PWWP3A: variants seen among roughly 807,000 people sequenced by gnomAD.
The protein encoded by PWWP3A is PWWP domain-containing DNA repair factor 3A.
PWWP3A carries 53 observed loss-of-function variants against 79.0 expected under a neutral mutation model. That is an observed-to-expected ratio of 0.67 (90% CI 0.54 to 0.84). PWWP3A has a LOEUF of 0.84. Ranked by LOEUF, PWWP3A falls within the 40% of genes least tolerant of loss-of-function variation. The pLI, the probability that PWWP3A is intolerant of heterozygous loss-of-function variation, is 0.00. For missense variants in PWWP3A, 973 were observed against 948.0 expected, an observed-to-expected ratio of 1.03 and a Z score of -0.35; for synonymous variants, 443 against 394.4, an observed-to-expected ratio of 1.12 and a Z score of -1.46.
At chr19:1,363,074 G>T (rs370809524) in intron 6 of PWWP3A, among the ~76,000 whole-genome samples, 4 of 152,226 alleles carry the variant, frequency 2.6e-5, no homozygotes, top group African/African-American at 7.2e-5. Flanking sequence ...AGGGAGGTGA[G>T]GGGGCTTCTC....
At chr19:1,372,341 C>T (rs1157942379) in intron 12 of PWWP3A, 1 of 152,300 alleles carries the variant, frequency 6.6e-6, no homozygotes, top group African/African-American at 2.4e-5. Flanking sequence ...GGGAGAGACT[C>T]TGCTCTGAAC....
intron 13 of PWWP3A, among the ~76,000 whole-genome samples, chr19:1,375,189 T>C (rs949085867): frequency 1.3e-4 from 20 of 150,182 alleles, no homozygotes; most frequent in African/African-American, 4.9e-4. Flanking sequence ...TGCTACTGCA[T>C]TCCAGCCTGG....
chr19:1,361,009 C>G lies in PWWP3A; in HGVS notation c.1088C>G (p.Pro363Arg). The change falls in exon 5 of 14, where the codon CCG (proline) becomes CGG (arginine). Residue 363 changes from proline (P) to arginine (R), a missense_variant. Pro to Arg is a moderately radical substitution (Grantham distance 103). Coordinates refer to ENST00000591337, the MANE Select transcript of PWWP3A (RefSeq NM_001369789.1). ...SADATRCLPC[P>R]DSQKLEKECQ... Reference sequence around the variant, plus strand: ...GATGCAACCAGATGTCTTCCTTGCCCGGATTCCCAGAAGCTGGAGAAAGGT... The same window carrying G: ...GATGCAACCAGATGTCTTCCTTGCCGGGATTCCCAGAAGCTGGAGAAAGGT... 1 of 1,430,852 alleles carries G rather than the reference C, an allele frequency of 7.0e-7. No homozygotes were observed. The highest frequency in any genetic ancestry group is 9.2e-7 in the Non-Finnish European group (1 of 1,090,080). The allele number at this position is 1,430,852 out of a possible 1,614,324, so 88.6% of individuals were successfully genotyped here.
rs2082399282 is a variant in PWWP3A at position 1,376,316 on chromosome 19, T to TG, written c.2076-203_2076-202insG. Among the ~76,000 whole-genome samples the TG allele has an allele frequency of 2.2e-5, 3 of 134,582 alleles. 1 individual carries two copies. Among genetic ancestry groups the TG allele is most frequent in the Non-Finnish European group, 3.2e-5 (2 of 61,818 alleles). The allele number at this position is 134,582 out of a possible 152,430, so 88.3% of individuals were successfully genotyped here. On this transcript the variant is annotated intron_variant, in intron 13 of 13. Transcript: ENST00000591337. Reference sequence around the variant, plus strand: ...GTTTGTTTTTTTTTTTGTTTGTTTTTTTTTTTTTTTGGTATTTTTTGTAGA... The same window carrying TG: ...GTTTGTTTTTTTTTTTGTTTGTTTTTGTTTTTTTTTTGGTATTTTTTGTAGA...
rs1331607288 is a variant in PWWP3A, at chr19:1,363,807, T to C, written c.1214-702T>C. On this transcript the variant is annotated intron_variant, in intron 6 of 13. Coordinates refer to ENST00000591337, the MANE Select transcript of PWWP3A (RefSeq NM_001369789.1). ...TCACCCCAGTGGGCCTCCCTTTTTC[T>C]CTGGTCACGTTGGTTACTTCATAGG... Among the ~76,000 whole-genome samples, 3 of 152,318 alleles carry C rather than the reference T, an allele frequency of 2.0e-5. No homozygotes were observed. The East Asian group carries it at 5.8e-4, about 29-fold the overall frequency.
In PWWP3A at chr19:1,371,038, G is replaced by T. The variant is rs766492102; in HGVS notation, c.1946G>T (p.Gly649Val). The change falls in exon 12 of 14, where the codon GGC becomes GTC. Residue 649 changes from glycine to valine, a missense_variant. Transcript: ENST00000591337. ...VGAKVLQRTNGDRIRFILDVL... is the reference protein window; with the variant it reads ...VGAKVLQRTNVDRIRFILDVL... ...GCCAAGGTGCTCCAGCGCACCAACG[G>T]CGACCGGATCCGGTTCATTCTGGAC... is the stretch of plus-strand genomic sequence containing the variant. 3.2e-6 allele frequency: 5 copies of T among 1,573,432 alleles called. No individual in the cohort carries two copies. The highest frequency in any genetic ancestry group is 4.3e-6 in the Non-Finnish European group (5 of 1,159,284).
intron 5 of PWWP3A, among the ~76,000 whole-genome samples, chr19:1,361,279 G>T (rs956858447): frequency 2.6e-5 from 4 of 152,258 alleles, no homozygotes; most frequent in Admixed American, 2.6e-4. Flanking sequence ...TGAGTGGGGA[G>T]CCCGTAGAGG....
intron 12 of PWWP3A, among the ~76,000 whole-genome samples, chr19:1,371,930 A>G (rs1046280064): frequency 1.3e-5 from 2 of 150,212 alleles, no homozygotes; most frequent in Non-Finnish European, 2.9e-5. Flanking sequence ...GTAGCCTTCC[A>G]AGTAGCTGGG....
intron 8 of PWWP3A, among the ~76,000 whole-genome samples, chr19:1,366,617 T>G (rs1419415557): frequency 1.3e-5 from 2 of 152,332 alleles, no homozygotes; most frequent in African/African-American, 4.8e-5. Flanking sequence ...CACCCCAGTT[T>G]TCACAACTTG....
chr19:1,375,558 A>ATATAT (rs1222964058), intron 13 of PWWP3A, among the ~76,000 whole-genome samples: 50,799 of 110,300 alleles, frequency 0.46, 12,952 homozygotes, highest in Non-Finnish European at 0.54. Flanking sequence ...AATATATATT[A>ATATAT]TATATAAAAT....
intron 5 of PWWP3A, chr19:1,361,925 A>C: frequency 4.0e-6 from 1 of 251,556 alleles, no homozygotes; most frequent in Non-Finnish European, 7.9e-6. Context: ...ATGTGAAGGG[A>C]CAGCCAGGCC....
intron 13 of PWWP3A, chr19:1,374,038 G>C (rs963863691): frequency 6.6e-6 from 1 of 152,218 alleles, no homozygotes; most frequent in Non-Finnish European, 1.5e-5. Context: ...TGGTTCCCCC[G>C]TCATGCTTGC....
chr19:1,364,801 C>T (rs1427629043), intron 7 of PWWP3A, among the ~76,000 whole-genome samples: 3 of 152,136 alleles, frequency 2.0e-5, no homozygotes, highest in African/African-American at 7.2e-5. Context: ...TTTCACCAAG[C>T]AGGCTTAGAA....
chr19:1,360,683 C>G lies in PWWP3A; in HGVS notation c.762C>G (p.Ser254=), dbSNP rs1234893289. ...AAGGAGGCAGCTGGGCAGCCCCGTC[C>G]TTGCCCTCCGGGGTCAGGGAGGACG... The part of the protein sequence containing the change: ...GSKGGSWAAP[S]LPSGVREDDP... The change falls in exon 5 of 14, where the codon TCC becomes TCG. Residue 254 remains serine (S), a synonymous_variant. Transcript: ENST00000591337. This position sits in a 1 kb window ranked among gnomAD's most constrained non-coding sequence, Gnocchi z 4.4. 1.2e-6 allele frequency: 2 copies of G among 1,613,228 alleles called. No homozygotes were observed. Among genetic ancestry groups the G allele is most frequent in the Non-Finnish European group, 1.7e-6 (2 of 1,179,598 alleles).
intron 13 of PWWP3A, among the ~76,000 whole-genome samples, chr19:1,375,691 A>G (rs2082370499): frequency 1.5e-5 from 2 of 136,944 alleles, no homozygotes; most frequent in South Asian, 4.4e-4. Context: ...TATAATATAT[A>G]AAACAATTTA....
chr19:1,376,122 C>CTTTTTTT (rs764962400), intron 13 of PWWP3A, among the ~76,000 whole-genome samples: 1 of 107,650 alleles, frequency 9.3e-6, no homozygotes, highest in Non-Finnish European at 1.9e-5. Flanking sequence ...CTGTCATACT[C>CTTTTTTT]TTTTTTTTTT....
chr19:1,364,884 C>T (rs2668414), intron 7 of PWWP3A, among the ~76,000 whole-genome samples: 2,700 of 152,178 alleles, frequency 0.018, 83 homozygotes, highest in African/African-American at 0.061. Flanking sequence ...TTTGGGAGGC[C>T]GAAGTGGGTG....
chr19:1,357,781 G>A (rs1442784166), intron 3 of PWWP3A: 1 of 151,978 alleles, frequency 6.6e-6, no homozygotes, highest in Non-Finnish European at 1.5e-5. Flanking sequence ...CGTGATTGGC[G>A]AGGGTGCATC....
Position 1,376,666 on chromosome 19 carries a change from G to A in PWWP3A, c.*90G>A, listed in dbSNP as rs2082410460. On this transcript the variant is annotated 3_prime_UTR_variant, in exon 14 of 14. Coordinates refer to ENST00000591337, the MANE Select transcript of PWWP3A (RefSeq NM_001369789.1). ...TGTCTGAAGATGGGGGGCTCAGGGG[G>A]CACGTTTGCGTTTGGACCTGTCTGT... The A allele has an allele frequency of 1.5e-6, 2 of 1,316,910 alleles. No homozygotes were observed. The highest frequency in any genetic ancestry group is 2.4e-5 in the East Asian group (1 of 42,412). 81.6% of individuals were successfully genotyped at this position (1,316,910 alleles called of 1,614,324 possible).
Sources: allele counts gnomAD v4.1 joint callset (sites outside exome capture counted in the v4.1 genomes callset), GRCh38; gene constraint gnomAD v4.1.1; non-coding constraint Gnocchi (gnomAD v3.1); transcripts MANE v1.5; gene names NCBI Gene and HGNC (gene_info 2026-07-23, HGNC 2026-07-21).